PCCA: variants seen among roughly 807,000 people sequenced by gnomAD.
The protein encoded by PCCA is propionyl-CoA carboxylase alpha chain, mitochondrial.
A neutral mutation model predicts 101.3 loss-of-function variants in PCCA; 74 were observed. The observed-to-expected ratio is 0.73, with a 90% CI of 0.61 to 0.89. The LOEUF is 0.89. Ranked by LOEUF, PCCA falls within the 40% of genes least tolerant of loss-of-function variation. The pLI is 0.00. For synonymous variants in PCCA, 294 were observed against 313.6 expected (o/e 0.94, Z 0.66); for missense variants, 891 against 907.0 (o/e 0.98, Z 0.23).
intron 17 of PCCA, among the ~76,000 whole-genome samples, chr13:100,338,053 G>C (rs1013147878): frequency 6.6e-6 from 1 of 152,210 alleles, no homozygotes; most frequent in African/African-American, 2.4e-5. Context: ...TTCAAAGTGA[G>C]ATCTGCTGAC....
chr13:100,478,334 G>A (rs1481344400), intron 21 of PCCA, among the ~76,000 whole-genome samples: 1 of 152,210 alleles, frequency 6.6e-6, no homozygotes, highest in East Asian at 1.9e-4. Flanking sequence ...CTGGGCCCAA[G>A]TGGACACCAG....
intron 1 of PCCA, among the ~76,000 whole-genome samples, chr13:100,090,880 C>G (rs2046218427): frequency 6.6e-6 from 1 of 152,114 alleles, no homozygotes; most frequent in South Asian, 2.1e-4. Flanking sequence ...ATTTAGAACT[C>G]CAGAACCTGT....
At chr13:100,095,360 A>G (rs1403039490) in intron 1 of PCCA, among the ~76,000 whole-genome samples, 1 of 152,210 alleles carries the variant, frequency 6.6e-6, no homozygotes, top group Non-Finnish European at 1.5e-5. Flanking sequence ...TACACGTAGT[A>G]TGTGTCAGAC....
In PCCA at chr13:100,228,691, A is replaced by G. The variant is rs370604743; in HGVS notation, c.601-7151A>G. 9.7e-4 allele frequency among the ~76,000 whole-genome samples: 147 copies of G among 152,104 alleles called. 4 individuals are homozygous for G. The South Asian group carries it at 0.028, about 29-fold the overall frequency. ...GGTGGGAGGATCACTTGAGGTCAGG[A>G]GTTCGAAACCAGCCTGCCAAGATGG... On this transcript the variant is annotated intron_variant, in intron 7 of 23. Coordinates refer to ENST00000376285, the MANE Select transcript of PCCA (RefSeq NM_000282.4).
intron 6 of PCCA, among the ~76,000 whole-genome samples, chr13:100,203,812 T>G (rs755126482): frequency 2.0e-5 from 3 of 152,246 alleles, no homozygotes; most frequent in Admixed American, 6.5e-5. Flanking sequence ...GTGACTCATG[T>G]CCAAGAAGTT....
At chr13:100,285,010 A>G (rs1224593140) in intron 12 of PCCA, among the ~76,000 whole-genome samples, 1 of 152,202 alleles carries the variant, frequency 6.6e-6, no homozygotes, top group African/African-American at 2.4e-5. Context: ...CAAGGGTACA[A>G]GGTGTCTAGG....
chr13:100,416,930 G>T (rs1157538724), intron 19 of PCCA, among the ~76,000 whole-genome samples: 2 of 151,990 alleles, frequency 1.3e-5, no homozygotes, highest in Non-Finnish European at 2.9e-5. Context: ...TGCAACCTCT[G>T]CCTCCCAGGT....
chr13:100,424,311 G>A (rs535616707), intron 19 of PCCA, among the ~76,000 whole-genome samples: 1 of 152,194 alleles, frequency 6.6e-6, no homozygotes, highest in Non-Finnish European at 1.5e-5. Context: ...AGGGCGGGGC[G>A]GGGGTGGTGC....
In PCCA at chr13:100,393,417, C is replaced by CTTT. The variant is rs11459500; in HGVS notation, c.1746+24860_1746+24862dup. ...TGGCTTTTATTAACTACTGAAGAGT[C>CTTT]TTTTTTTTTTTTTTTTTTTGAGATG... On this transcript the variant is annotated intron_variant, in intron 19 of 23. Transcript: ENST00000376285. Among the ~76,000 whole-genome samples, 946 of 113,640 alleles carry CTTT rather than the reference C, an allele frequency of 8.3e-3. 46 individuals carry two copies. The highest frequency in any genetic ancestry group is 0.031 in the African/African-American group (899 of 29,284). The allele number at this position is 113,640 out of a possible 152,430, so 74.6% of individuals were successfully genotyped here.
At chr13:100,524,895 A>G (rs939210933) in intron 22 of PCCA, among the ~76,000 whole-genome samples, 7 of 152,072 alleles carry the variant, frequency 4.6e-5, no homozygotes, top group Admixed American at 6.6e-5. Context: ...TAGATTAGAT[A>G]GATTAGATTA....
intron 8 of PCCA, among the ~76,000 whole-genome samples, chr13:100,249,389 G>A (rs2061630808): frequency 2.6e-5 from 4 of 152,194 alleles, no homozygotes; most frequent in Admixed American, 2.0e-4. Context: ...CTTTGTCATA[G>A]TTCAGTTGAC....
chr13:100,325,613 T>C (rs1044559907), intron 16 of PCCA, among the ~76,000 whole-genome samples: 7 of 152,154 alleles, frequency 4.6e-5, no homozygotes, highest in African/African-American at 1.7e-4. Flanking sequence ...CAGGGAGGAA[T>C]AGGCTAACTC....
intron 12 of PCCA, among the ~76,000 whole-genome samples, chr13:100,277,083 A>G (rs1458414221): frequency 6.6e-6 from 1 of 152,180 alleles, no homozygotes; most frequent in Non-Finnish European, 1.5e-5. Context: ...GACTACGGCA[A>G]TCTAAGCTCA....
At chr13:100,331,409 G>C (rs981704420) in intron 17 of PCCA, among the ~76,000 whole-genome samples, 2 of 152,128 alleles carry the variant, frequency 1.3e-5, no homozygotes, top group Non-Finnish European at 2.9e-5. Flanking sequence ...TATTTCAAGT[G>C]TTCTTTGTAT....
At chr13:100,147,332 A>G (rs76769376) in intron 4 of PCCA, among the ~76,000 whole-genome samples, 2,557 of 152,290 alleles carry the variant, frequency 0.017, 82 homozygotes, top group African/African-American at 0.059. Flanking sequence ...TGAAAAATGT[A>G]AGAACATCTA....
chr13:100,101,519 A>G (rs1483330014), intron 1 of PCCA, among the ~76,000 whole-genome samples: 2 of 152,168 alleles, frequency 1.3e-5, no homozygotes, highest in Admixed American at 1.3e-4. Context: ...TACTTGGTAA[A>G]GGTTTTATTT....
At chr13:100,204,220 G>C (rs1365886509) in intron 6 of PCCA, among the ~76,000 whole-genome samples, 1 of 150,592 alleles carries the variant, frequency 6.6e-6, no homozygotes. Flanking sequence ...GCCTCTACCC[G>C]CTGGGCTCAA....
intron 18 of PCCA, among the ~76,000 whole-genome samples, chr13:100,340,803 A>G (rs1018978159): frequency 6.6e-6 from 1 of 152,204 alleles, no homozygotes; most frequent in African/African-American, 2.4e-5. Context: ...TTCTAGAGAG[A>G]GGATTGTTTA....
intron 1 of PCCA, among the ~76,000 whole-genome samples, chr13:100,097,797 A>G (rs550745401): frequency 6.6e-6 from 1 of 152,308 alleles, no homozygotes; most frequent in South Asian, 2.1e-4. Flanking sequence ...GGATCACTTG[A>G]GGCCAGCAGT....
Sources: allele counts gnomAD v4.1 joint callset (sites outside exome capture counted in the v4.1 genomes callset), GRCh38; gene constraint gnomAD v4.1.1; transcripts MANE v1.5; gene names NCBI Gene and HGNC (gene_info 2026-07-23, HGNC 2026-07-21).